TMPRSS11B: variants seen among roughly 807,000 people sequenced by gnomAD.
The protein encoded by TMPRSS11B is transmembrane protease serine 11B.
In TMPRSS11B, 53 loss-of-function variants were observed where a neutral mutation model predicts 44.7. The ratio of observed to expected loss-of-function variants is 1.19; its 90% CI spans 0.95 to 1.49. TMPRSS11B has a LOEUF of 1.49. Ranked by LOEUF, TMPRSS11B falls within the 40% of genes most tolerant of loss-of-function variation. The pLI, the probability that TMPRSS11B is intolerant of heterozygous loss-of-function variation, is 0.00. For missense variants in TMPRSS11B, 526 were observed against 494.8 expected, an observed-to-expected ratio of 1.06 and a Z score of -0.60; for synonymous variants, 140 against 159.2, an observed-to-expected ratio of 0.88 and a Z score of 0.91.
chr4:68,227,903 C>CTT lies in TMPRSS11B; in HGVS notation c.*6_*7dup. 1 of 1,594,858 alleles carries CTT rather than the reference C, an allele frequency of 6.3e-7. No individual in the cohort carries two copies. The highest frequency in any genetic ancestry group is 8.5e-7 in the Non-Finnish European group (1 of 1,172,694). On this transcript the variant is annotated 3_prime_UTR_variant, in exon 10 of 10. Transcript: ENST00000332644. ...GTCTTTATGTTCCTTTGTATAATTC[C>CTT]TTTTTTTTCAGAGTCCAGTCTTGGA...
intron 2 of TMPRSS11B, among the ~76,000 whole-genome samples, chr4:68,239,040 C>A (rs1016783865): frequency 6.6e-6 from 1 of 152,046 alleles, no homozygotes; most frequent in African/African-American, 2.4e-5. Flanking sequence ...TTCAAGGTAC[C>A]ATTTTAAAAT....
intron 7 of TMPRSS11B, among the ~76,000 whole-genome samples, chr4:68,229,906 C>G (rs1719461953): frequency 6.6e-6 from 1 of 152,056 alleles, no homozygotes; most frequent in South Asian, 2.1e-4. Flanking sequence ...TTTTTTTACC[C>G]TCACCCTTCT....
At chr4:68,235,291 G>C (rs1719628324) in intron 4 of TMPRSS11B, among the ~76,000 whole-genome samples, 1 of 152,162 alleles carries the variant, frequency 6.6e-6, no homozygotes, top group Non-Finnish European at 1.5e-5. Context: ...AAATAATTAT[G>C]ATCAATTCTA....
chr4:68,245,428 T>A (rs1250805760), intron 1 of TMPRSS11B, 123 bp downstream of exon 1: 1 of 1,063,828 alleles, frequency 9.4e-7, no homozygotes, highest in African/African-American at 1.6e-5. Flanking sequence ...AGAGTGTTTC[T>A]TAACAGTGTC....
At chr4:68,237,844 T>A (rs1719717540) in intron 2 of TMPRSS11B, among the ~76,000 whole-genome samples, 1 of 152,022 alleles carries the variant, frequency 6.6e-6, no homozygotes, top group South Asian at 2.1e-4. Context: ...AGTGAGAGCC[T>A]GTCTCTACAA....
At chr4:68,237,784 G>A (rs942508665) in intron 2 of TMPRSS11B, among the ~76,000 whole-genome samples, 1 of 152,190 alleles carries the variant, frequency 6.6e-6, no homozygotes, top group Non-Finnish European at 1.5e-5. Context: ...TTGAAGTCAA[G>A]TTGGGAGGAC....
chr4:68,239,522 A>G lies in TMPRSS11B; in HGVS notation c.124+2167T>C, dbSNP rs529900736. Among the ~76,000 whole-genome samples the G allele has an allele frequency of 1.0e-3, 152 of 152,346 alleles. 3 individuals are homozygous for G. The highest frequency in any genetic ancestry group is 8.9e-3 in the Admixed American group (136 of 15,294). ...CAGTCTGTGGATTTTGATATGGCAGATTGAGCAATTATAATTATTTAGATA... is the reference window on the plus strand; with the variant it reads ...CAGTCTGTGGATTTTGATATGGCAGGTTGAGCAATTATAATTATTTAGATA... On this transcript the variant is annotated intron_variant, in intron 2 of 9. Transcript: ENST00000332644.
intron 6 of TMPRSS11B, chr4:68,231,720 A>T (rs1327040410): frequency 5.4e-6 from 1 of 185,606 alleles, no homozygotes; most frequent in African/African-American, 2.3e-5. Context: ...TGTCTGTAAG[A>T]CACCATGTGA....
rs1193119542 is a variant in TMPRSS11B at position 68,231,222 on chromosome 4, C to A, written c.667G>T (p.Ala223Ser). The change falls in exon 7 of 10, where the codon GCA becomes TCA. Residue 223 changes from alanine (A) to serine (S), a missense_variant. Physicochemically the swap from Ala to Ser is moderately conservative, Grantham distance 99 (BLOSUM62 1). Transcript: ENST00000332644. ...SLISSRWLLS[A>S]AHCFAKKNNS... Reference sequence around the variant, plus strand: ...ACTTACTTAGCAAAGCAGTGAGCTGCAGATAATAGCCACCTGCTGCTGATC... The same window carrying A: ...ACTTACTTAGCAAAGCAGTGAGCTGAAGATAATAGCCACCTGCTGCTGATC... 1.2e-6 allele frequency: 2 copies of A among 1,610,152 alleles called. No individual in the cohort carries two copies. Among genetic ancestry groups the A allele is most frequent in the South Asian group, 1.1e-5 (1 of 90,272 alleles).
chr4:68,236,224 A>T lies in TMPRSS11B; in HGVS notation c.167T>A (p.Val56Asp). ...YYQGDFHISG[V>D]TYNDNCENAA... is the part of the protein sequence containing the mutation. ...GTTTTCACAATTATCATTGTATGTG[A>T]CTCCAGAAATATGAAAATCACCTTG... is the stretch of plus-strand genomic sequence containing the variant. The change falls in exon 3 of 10, where the codon GTC becomes GAC. Residue 56 changes from valine (V) to aspartate (D), a missense_variant. Val to Asp is a radical substitution (Grantham distance 152, BLOSUM62 -3). Coordinates refer to ENST00000332644, the MANE Select transcript of TMPRSS11B (RefSeq NM_182502.3). 2 of 1,612,094 alleles carry T rather than the reference A, an allele frequency of 1.2e-6. No homozygotes were observed. The highest frequency in any genetic ancestry group is 1.7e-6 in the Non-Finnish European group (2 of 1,179,094).
At chr4:68,230,803 CAAAAA>C (rs34025669) in intron 7 of TMPRSS11B, among the ~76,000 whole-genome samples, 1 of 128,816 alleles carries the variant, frequency 7.8e-6, no homozygotes, top group Admixed American at 7.9e-5. Flanking sequence ...GACTCCATCT[CAAAAA>C]AAAAAAAAAA....
intron 2 of TMPRSS11B, among the ~76,000 whole-genome samples, chr4:68,237,497 C>T (rs780535913): frequency 5.3e-5 from 8 of 152,090 alleles, no homozygotes; most frequent in Non-Finnish European, 1.2e-4. Context: ...ATTTCTGGTT[C>T]TAGATCCTTG....
Position 68,226,937 on chromosome 4 carries a change from A to G in TMPRSS11B, c.*974T>C, listed in dbSNP as rs1428344560. 6.6e-6 allele frequency: 1 copy of G among 152,236 alleles called. No homozygotes were observed. Among genetic ancestry groups the G allele is most frequent in the African/African-American group, 2.4e-5 (1 of 41,462 alleles). The allele number at this position is 152,236 out of a possible 1,614,324, so 9.4% of individuals were successfully genotyped here. On this transcript the variant is annotated 3_prime_UTR_variant, in exon 10 of 10. Transcript: ENST00000332644. ...CTCAAAAGTCATTCTTTAATTCCTG[A>G]CAAATTTTGGATGTCAACTCAATGA...
chr4:68,234,389 C>G, intron 5 of TMPRSS11B, 74 bp downstream of exon 5: 3 of 1,495,102 alleles, frequency 2.0e-6, no homozygotes, highest in Non-Finnish European at 2.7e-6. Context: ...TCTTAGTTCA[C>G]TTTTTAGTAC....
chr4:68,236,101 T>C (rs748239998), intron 3 of TMPRSS11B, 32 bp from the exon 4 acceptor site: 1 of 1,569,814 alleles, frequency 6.4e-7, no homozygotes, highest in African/African-American at 1.4e-5. Context: ...TCATCATGTA[T>C]GTTTCAATCA....
In TMPRSS11B at chr4:68,228,082, G is replaced by A. The variant is rs1249177620; in HGVS notation, c.1090-10C>T. 3.8e-6 allele frequency: 6 copies of A among 1,580,758 alleles called. No individual in the cohort carries two copies. The Admixed American group carries it at 1.2e-4, about 32-fold the overall frequency. ...GTCCACCAGAATCATTCTAGAAGAA[G>A]AAAAGAAAAAAATGTTTCTTGTCTT... On this transcript the variant is annotated splice_polypyrimidine_tract_variant and intron_variant, in intron 9 of 9. Coordinates refer to ENST00000332644, the MANE Select transcript of TMPRSS11B (RefSeq NM_182502.3).
intron 5 of TMPRSS11B, 62 bp from the exon 6 acceptor site, chr4:68,232,478 A>G: frequency 3.4e-6 from 5 of 1,450,536 alleles, no homozygotes; most frequent in Non-Finnish European, 4.8e-6. Context: ...AATTGACTTC[A>G]ACCTAAGAAC....
At chr4:68,242,648 T>C (rs1179336535) in intron 1 of TMPRSS11B, among the ~76,000 whole-genome samples, 2 of 151,016 alleles carry the variant, frequency 1.3e-5, no homozygotes, top group Non-Finnish European at 2.9e-5. Context: ...CAGCTCATTG[T>C]AACCTCTGCC....
At chr4:68,232,713 TG>T (rs1198355051) in intron 5 of TMPRSS11B, among the ~76,000 whole-genome samples, 1 of 151,828 alleles carries the variant, frequency 6.6e-6, no homozygotes, top group Non-Finnish European at 1.5e-5. Flanking sequence ...CCTTACAAAT[TG>T]TTTTTTTATT....
Sources: gnomAD v4.1 joint callset for allele counts (sites outside exome capture counted in the v4.1 genomes callset) on GRCh38, gnomAD v4.1.1 for gene constraint, MANE v1.5 for transcripts, NCBI Gene and HGNC (gene_info 2026-07-23, HGNC 2026-07-21) for gene names.